MACROD2: variants seen among roughly 807,000 people sequenced by gnomAD.
MACROD2 encodes the protein ADP-ribose glycohydrolase MACROD2.
In MACROD2, 36 loss-of-function variants were observed where a neutral mutation model predicts 70.4. That is an observed-to-expected ratio of 0.51 (90% CI 0.39 to 0.68). MACROD2 has a LOEUF of 0.68. MACROD2 is among the 30% of genes least tolerant of loss of function. The pLI is 0.00. For missense variants in MACROD2, 496 were observed against 538.4 expected (o/e 0.92, Z 0.78); for synonymous variants, 172 against 178.8 (o/e 0.96, Z 0.30).
At chr20:15,427,675 C>T (rs942158735) in intron 6 of MACROD2, among the ~76,000 whole-genome samples, 1 of 151,748 alleles carries the variant, frequency 6.6e-6, no homozygotes, top group Non-Finnish European at 1.5e-5. Context: ...ACTGATGAGC[C>T]AAGGTGGCCA....
intron 6 of MACROD2, among the ~76,000 whole-genome samples, chr20:15,245,095 G>A (rs937619467): frequency 1.3e-5 from 2 of 152,170 alleles, no homozygotes; most frequent in African/African-American, 4.8e-5. Context: ...GTGAGACATG[G>A]AGAATTAGCA....
chr20:15,155,126 G>A (rs1458444787), intron 5 of MACROD2, among the ~76,000 whole-genome samples: 1 of 97,906 alleles, frequency 1.0e-5, no homozygotes, highest in African/African-American at 3.7e-5. Context: ...GTTATATTAA[G>A]AACTCAAAAT....
intron 5 of MACROD2, among the ~76,000 whole-genome samples, chr20:15,133,930 G>C (rs1217112652): frequency 8.7e-6 from 1 of 115,142 alleles, no homozygotes; most frequent in Non-Finnish European, 1.7e-5. Flanking sequence ...TTTTTTTTGA[G>C]ACAGAGTCTC....
intron 6 of MACROD2, among the ~76,000 whole-genome samples, chr20:15,332,910 G>T (rs1417318982): frequency 6.7e-6 from 1 of 150,236 alleles, no homozygotes; most frequent in Non-Finnish European, 1.5e-5. Flanking sequence ...TCAGAAGTCT[G>T]CCTTTAGCAA....
intron 5 of MACROD2, among the ~76,000 whole-genome samples, chr20:15,154,774 A>G (rs972862484): frequency 6.6e-6 from 1 of 152,200 alleles, no homozygotes; most frequent in African/African-American, 2.4e-5. Flanking sequence ...CTAATATCAC[A>G]TTGGGGCTTA....
intron 12 of MACROD2, among the ~76,000 whole-genome samples, chr20:15,939,794 A>T (rs1036810067): frequency 7.9e-5 from 12 of 152,166 alleles, no homozygotes; most frequent in African/African-American, 2.9e-4. Context: ...TCTAGATGAC[A>T]TTAAGAATAT....
intron 12 of MACROD2, among the ~76,000 whole-genome samples, chr20:15,948,741 G>T (rs2065864295): frequency 6.6e-6 from 1 of 152,040 alleles, no homozygotes. Context: ...GAAGGTAAGT[G>T]GTAGTTCCTT....
At chr20:14,231,741 T>C (rs1333523878) in intron 3 of MACROD2, among the ~76,000 whole-genome samples, 1 of 152,226 alleles carries the variant, frequency 6.6e-6, no homozygotes, top group Non-Finnish European at 1.5e-5. Flanking sequence ...GTTGAACTAG[T>C]TTACAGTCCC....
intron 8 of MACROD2, among the ~76,000 whole-genome samples, chr20:15,763,353 G>A (rs2051468548): frequency 6.6e-6 from 1 of 152,126 alleles, no homozygotes. Flanking sequence ...CAACATCAAA[G>A]CCTGCCATCA....
chr20:15,870,981 A>C (rs2064572581), intron 9 of MACROD2, among the ~76,000 whole-genome samples: 1 of 152,036 alleles, frequency 6.6e-6, no homozygotes, highest in South Asian at 2.1e-4. Context: ...GTTTGAGACC[A>C]GCCTGGCAAT....
In MACROD2 at chr20:15,656,602, G is replaced by C. The variant is rs367644777; in HGVS notation, c.645+156755G>C. Among the ~76,000 whole-genome samples the C allele has an allele frequency of 6.0e-4, 91 of 152,226 alleles. 1 individual carries two copies. The South Asian group carries it at 0.018, about 30-fold the overall frequency. ...GGAACTGCAGGCCCTTTTAATATGA[G>C]TCCAATAAGGAAAGGTTTAGTGTAA... On this transcript the variant is annotated intron_variant, in intron 8 of 17. Coordinates refer to ENST00000684519, the MANE Select transcript of MACROD2 (RefSeq NM_001351661.2).
chr20:15,162,348 A>C (rs1022834012), intron 5 of MACROD2, among the ~76,000 whole-genome samples: 1 of 151,980 alleles, frequency 6.6e-6, no homozygotes, highest in African/African-American at 2.4e-5. Flanking sequence ...TAGACCTTGA[A>C]CCTGGACAAA....
chr20:14,411,674 C>A (rs1170121041), intron 3 of MACROD2, among the ~76,000 whole-genome samples: 1 of 152,160 alleles, frequency 6.6e-6, no homozygotes, highest in Non-Finnish European at 1.5e-5. Context: ...GTGGCTGCTG[C>A]TCATATGAGC....
rs191576917 is a variant in MACROD2, at chr20:15,757,614, T to G, written c.646-105131T>G. 1.3e-3 allele frequency among the ~76,000 whole-genome samples: 193 copies of G among 152,270 alleles called. 2 individuals carry two copies. In the East Asian group the frequency reaches 0.028, roughly 22 times the overall value. ...TTTAAGCTACTATAATAAAATACAA[T>G]AGACTGGGTGATCTAAACAACAGAC... is the stretch of plus-strand genomic sequence containing the variant. On this transcript the variant is annotated intron_variant, in intron 8 of 17. Transcript: ENST00000684519.
At chr20:14,926,047 T>A (rs2074226712) in intron 5 of MACROD2, among the ~76,000 whole-genome samples, 1 of 152,120 alleles carries the variant, frequency 6.6e-6, no homozygotes, top group Non-Finnish European at 1.5e-5. Context: ...ATTGAGAAAA[T>A]GAAATAACAA....
intron 9 of MACROD2, among the ~76,000 whole-genome samples, chr20:15,875,628 G>A (rs1210231709): frequency 2.0e-5 from 3 of 151,824 alleles, no homozygotes; most frequent in African/African-American, 4.8e-5. Flanking sequence ...ACAAGCAGCC[G>A]GCATAGACAG....
chr20:14,614,061 A>G (rs1358525346), intron 4 of MACROD2, among the ~76,000 whole-genome samples: 2 of 152,110 alleles, frequency 1.3e-5, no homozygotes, highest in Non-Finnish European at 2.9e-5. Flanking sequence ...AACACAAATT[A>G]GTTTACTTTT....
chr20:14,404,178 G>A (rs1313057523), intron 3 of MACROD2, among the ~76,000 whole-genome samples: 1 of 152,018 alleles, frequency 6.6e-6, no homozygotes, highest in Non-Finnish European at 1.5e-5. Flanking sequence ...AGAGATTAAG[G>A]TACATTAAAT....
chr20:16,047,022 G>T (rs1416478849), intron 17 of MACROD2, among the ~76,000 whole-genome samples: 1 of 152,118 alleles, frequency 6.6e-6, no homozygotes, highest in African/African-American at 2.4e-5. Context: ...GGAAGGAGAA[G>T]TGACATGCAC....
Sources: gnomAD v4.1 joint callset for allele counts (sites outside exome capture counted in the v4.1 genomes callset) on GRCh38, gnomAD v4.1.1 for gene constraint, MANE v1.5 for transcripts, NCBI Gene and HGNC (gene_info 2026-07-23, HGNC 2026-07-21) for gene names.